Variants in SYTL2 observed in about 807,000 individuals in gnomAD.
SYTL2 encodes the protein synaptotagmin like 2.
A neutral mutation model predicts 198.7 loss-of-function variants in SYTL2; 165 were observed. The ratio of observed to expected loss-of-function variants is 0.83; its 90% confidence interval spans 0.73 to 0.94. SYTL2 has a LOEUF of 0.94. SYTL2 is among the 40% of genes least tolerant of loss of function. The pLI is 0.00. For missense variants in SYTL2, 2,835 were observed against 2,582.8 expected, an observed-to-expected ratio of 1.10 and a Z score of -2.12; for synonymous variants, 966 against 917.7, an observed-to-expected ratio of 1.05 and a Z score of -0.95.
At chr11:85,764,212 G>A (rs961418094) in intron 1 of SYTL2, among the ~76,000 whole-genome samples, 13 of 152,168 alleles carry the variant, frequency 8.5e-5, no homozygotes, top group African/African-American at 3.1e-4. Context: ...CTTAGTTGAG[G>A]GGATAAAAAA....
At chr11:85,837,557 G>T in the SYTL2 span, among the ~76,000 whole-genome samples, 1 of 151,950 alleles carries the variant, frequency 6.6e-6, no homozygotes, top group Admixed American at 6.6e-5. Context: ...CTATTTTTCC[G>T]AATACATCCT....
the SYTL2 span, among the ~76,000 whole-genome samples, chr11:85,841,720 A>G: frequency 1.3e-5 from 2 of 152,220 alleles, no homozygotes; most frequent in South Asian, 4.1e-4. Flanking sequence ...ACTAACGGGT[A>G]CTAGGCTTGG....
chr11:85,805,333 AAAAAAAAC>A (rs1210528567), intron 1 of SYTL2, among the ~76,000 whole-genome samples: 1 of 151,972 alleles, frequency 6.6e-6, no homozygotes, highest in Non-Finnish European at 1.5e-5. Context: ...TCTACAAAAA[AAAAAAAAC>A]AAAAAAACTG....
At chr11:85,738,026 C>A (rs2090493070) in intron 4 of SYTL2, among the ~76,000 whole-genome samples, 1 of 152,174 alleles carries the variant, frequency 6.6e-6, no homozygotes, top group South Asian at 2.1e-4. Flanking sequence ...TGGCTGAAGC[C>A]TTCGTGTCCT....
chr11:85,708,354 C>G (rs2085586749), intron 14 of SYTL2, among the ~76,000 whole-genome samples: 1 of 151,832 alleles, frequency 6.6e-6, no homozygotes, highest in Non-Finnish European at 1.5e-5. Context: ...GGATGTTGAG[C>G]TCAGTTGTTT....
At position 85,725,292 on chromosome 11, in the gene SYTL2, C is replaced by G. The variant is rs1341501403; in HGVS notation, c.4066G>C (p.Val1356Leu). The G allele has an allele frequency of 6.2e-7, 1 of 1,614,016 alleles. No individual in the cohort carries two copies. The highest frequency in any genetic ancestry group is 1.3e-5 in the African/African-American group (1 of 74,922). Residue 1356 changes from valine (V) to leucine (L), a missense_variant, in exon 8 of 20, where the codon GTA becomes CTA. Physicochemically the swap from Val to Leu is conservative, Grantham distance 32. Coordinates refer to ENST00000359152, the MANE Select transcript of SYTL2 (RefSeq NM_206927.4). Reference protein sequence around the residue: ...HPSQTEISETVEKVILPPRPV... With the variant: ...HPSQTEISETLEKVILPPRPV... ...CTGGGTGGAAGAATGACTTTCTCTACAGTCTCCGAAATTTCCGTTTGAGAA... is the reference window on the plus strand; with the variant it reads ...CTGGGTGGAAGAATGACTTTCTCTAGAGTCTCCGAAATTTCCGTTTGAGAA...
the SYTL2 span, among the ~76,000 whole-genome samples, chr11:85,817,595 G>A: frequency 6.6e-6 from 1 of 152,160 alleles, no homozygotes; most frequent in Non-Finnish European, 1.5e-5. Flanking sequence ...AGGCCTGCTT[G>A]AAGCTGACTG....
chr11:85,782,123 C>T (rs947107108), intron 1 of SYTL2, among the ~76,000 whole-genome samples: 1 of 152,242 alleles, frequency 6.6e-6, no homozygotes, highest in African/African-American at 2.4e-5. Context: ...AGACATCAGG[C>T]ATTTCCACAC....
At chr11:85,770,905 C>T (rs979247710) in intron 1 of SYTL2, among the ~76,000 whole-genome samples, 4 of 152,200 alleles carry the variant, frequency 2.6e-5, no homozygotes, top group South Asian at 2.1e-4. Flanking sequence ...GTCAGATAGA[C>T]CCGAATATAA....
intron 16 of SYTL2, among the ~76,000 whole-genome samples, chr11:85,702,736 G>A (rs1449627749): frequency 2.0e-5 from 3 of 152,220 alleles, no homozygotes; most frequent in East Asian, 1.9e-4. Flanking sequence ...TTCCTAGAAC[G>A]TTCTCATATG....
At chr11:85,829,912 T>G in the SYTL2 span, among the ~76,000 whole-genome samples, 2 of 152,312 alleles carry the variant, frequency 1.3e-5, no homozygotes, top group Admixed American at 1.3e-4. Flanking sequence ...TTTAAAAAAC[T>G]TTGAAACAGC....
chr11:85,711,210 G>C lies in SYTL2; in HGVS notation c.5648C>G (p.Thr1883Arg), dbSNP rs1254005151. 3 of 1,613,868 alleles carry C rather than the reference G, an allele frequency of 1.9e-6. No individual in the cohort carries two copies. Among genetic ancestry groups the C allele is most frequent in the Non-Finnish European group, 1.7e-6 (2 of 1,179,896 alleles). ...GAGCTGGTAACTGCTTTCTGATGCT[G>C]TATCTGTTTCTCTGTCATCACTCTA... Reference protein sequence around the residue: ...QDESDDRETDTASESSYQLSR... With the variant: ...QDESDDRETDRASESSYQLSR... Residue 1883 changes from threonine (T) to arginine (R), a missense_variant, in exon 13 of 20, where the codon ACA (threonine) becomes AGA (arginine). Thr to Arg is a moderately conservative substitution (Grantham distance 71). This residue lies in a region of SYTL2 where 2,645 missense variants were observed against 2,381.7 expected (regional missense o/e 1.11). Coordinates refer to ENST00000359152, the MANE Select transcript of SYTL2 (RefSeq NM_206927.4).
At position 85,727,864 on chromosome 11, in the gene SYTL2, A is replaced by T. The variant is rs764508990; in HGVS notation, c.1494T>A (p.Ala498=). ...GKPPPLPALK[A]KTSSRSGPYA... ...ATGGACCAGAACGTGAAGATGTCTT[A>T]GCTTTTAGAGCCGGGAGAGGAGGGG... The change falls in exon 8 of 20, where the codon GCT becomes GCA. Residue 498 remains alanine, a synonymous_variant. Transcript: ENST00000359152. 6.2e-7 allele frequency: 1 copy of T among 1,612,722 alleles called. No homozygotes were observed. The highest frequency in any genetic ancestry group is 8.5e-7 in the Non-Finnish European group (1 of 1,179,576).
chr11:85,754,097 G>A (rs1205159767), intron 2 of SYTL2, among the ~76,000 whole-genome samples: 7 of 152,132 alleles, frequency 4.6e-5, no homozygotes, highest in Non-Finnish European at 1.0e-4. Context: ...TTTTGATTGG[G>A]CTGATATAAT....
At position 85,768,683 on chromosome 11, in the gene SYTL2, C is replaced by T. The variant is rs529249139; in HGVS notation, c.-389-10569G>A. Among the ~76,000 whole-genome samples the T allele has an allele frequency of 1.4e-4, 21 of 152,300 alleles. 1 individual carries two copies. The highest frequency in any genetic ancestry group is 4.8e-4 in the African/African-American group (20 of 41,566). On this transcript the variant is annotated intron_variant, in intron 1 of 19. Transcript: ENST00000359152. Reference sequence around the variant, plus strand: ...CTCCTACACCATTTTAAGAATGAGTCAAATTCTTGGTTTCTGCAAGCACAC... The same window carrying T: ...CTCCTACACCATTTTAAGAATGAGTTAAATTCTTGGTTTCTGCAAGCACAC...
chr11:85,800,346 G>A (rs1450585755), intron 1 of SYTL2, among the ~76,000 whole-genome samples: 1 of 152,146 alleles, frequency 6.6e-6, no homozygotes, highest in Admixed American at 6.5e-5. Context: ...CACAATCATG[G>A]CTCACTGCAC....
intron 17 of SYTL2, among the ~76,000 whole-genome samples, chr11:85,699,236 T>C (rs1363483011): frequency 1.3e-5 from 2 of 152,162 alleles, no homozygotes; most frequent in Non-Finnish European, 2.9e-5. Flanking sequence ...AGATCTAATA[T>C]AGTTAGGGAA....
chr11:85,734,137 A>G lies in SYTL2; in HGVS notation c.1192T>C (p.Ser398Pro). ...RKPSLFHQST[S>P]SPYVSKSETH... ...TCACTTTTTGATACATATGGGCTTG[A>G]GGTTGATTGATGAAAAAGCGAAGGC... is the stretch of plus-strand genomic sequence containing the variant. Residue 398 changes from serine (S) to proline (P), a missense_variant, in exon 7 of 20, where the codon TCA becomes CCA. This residue lies in a region of SYTL2 where 2,645 missense variants were observed against 2,381.7 expected (regional missense o/e 1.11). Transcript: ENST00000359152. 1.2e-6 allele frequency: 2 copies of G among 1,614,168 alleles called. No individual in the cohort carries two copies. The highest frequency in any genetic ancestry group is 4.5e-5 in the East Asian group (2 of 44,882).
intron 3 of SYTL2, 106 bp downstream of exon 3, chr11:85,748,166 A>G (rs1591876844): frequency 7.9e-7 from 1 of 1,270,284 alleles, no homozygotes; most frequent in East Asian, 2.3e-5. Flanking sequence ...TGAAAAGTGT[A>G]CATCCAAATG....
Sources: gnomAD v4.1 joint callset for allele counts (sites outside exome capture counted in the v4.1 genomes callset) on GRCh38, gnomAD v4.1.1 for gene constraint, gnomAD v4.1.1 regional missense constraint, MANE v1.5 for transcripts, NCBI Gene and HGNC (gene_info 2026-07-23, HGNC 2026-07-21) for gene names.